GPR158: variants seen among roughly 807,000 people sequenced by gnomAD.
GPR158 encodes the protein G protein-coupled receptor 158, also known as metabotropic glycine receptor.
GPR158 carries 30 observed loss-of-function variants against 78.2 expected under a neutral mutation model. That is an observed-to-expected ratio of 0.38 (90% confidence interval 0.29 to 0.52). The LOEUF (loss-of-function observed/expected upper bound fraction) is 0.52, where lower values mean the gene tolerates loss of function less well. Among genes scored for constraint, GPR158 ranks in the 20% least tolerant of loss-of-function variants. The pLI, the probability that GPR158 is intolerant of heterozygous loss-of-function variation, is 0.83. For missense variants in GPR158, 1,463 were observed against 1,523.5 expected, an observed-to-expected ratio of 0.96 and a Z score of 0.66; for synonymous variants, 581 against 591.1, an observed-to-expected ratio of 0.98 and a Z score of 0.25.
At chr10:25,594,091 A>T in intron 8 of GPR158, 1 of 415,432 alleles carries the variant, frequency 2.4e-6, no homozygotes, top group Non-Finnish European at 4.3e-6. Flanking sequence ...ATCTAAAATC[A>T]TAATAAAGGG....
intron 2 of GPR158, among the ~76,000 whole-genome samples, chr10:25,252,247 C>A (rs1200005826): frequency 2.0e-5 from 3 of 150,752 alleles, no homozygotes; most frequent in East Asian, 3.9e-4. Context: ...AACTTCTTTG[C>A]CTTTGGTTTG....
intron 2 of GPR158, among the ~76,000 whole-genome samples, chr10:25,298,440 T>C (rs1052375529): frequency 2.6e-5 from 4 of 152,184 alleles, no homozygotes; most frequent in Non-Finnish European, 4.4e-5. Flanking sequence ...TTTAGAAAAT[T>C]TGCCTTATTA....
At chr10:25,193,619 T>G (rs1852804886) in intron 1 of GPR158, among the ~76,000 whole-genome samples, 1 of 152,234 alleles carries the variant, frequency 6.6e-6, no homozygotes, top group African/African-American at 2.4e-5. Flanking sequence ...GCTTTACAGA[T>G]TTCCCCTCTA....
intron 2 of GPR158, among the ~76,000 whole-genome samples, chr10:25,299,631 T>C (rs537616769): frequency 6.4e-4 from 97 of 152,302 alleles, no homozygotes; most frequent in African/African-American, 2.3e-3. Context: ...TCTTCATCCA[T>C]TCATCTTCTG....
intron 4 of GPR158, among the ~76,000 whole-genome samples, chr10:25,451,361 G>T (rs1835213648): frequency 6.6e-6 from 1 of 152,108 alleles, no homozygotes; most frequent in South Asian, 2.1e-4. Context: ...TTAATCAAAT[G>T]GGTTTAAAAT....
At chr10:25,443,262 T>A (rs575827429) in intron 4 of GPR158, among the ~76,000 whole-genome samples, 167 of 151,488 alleles carry the variant, frequency 1.1e-3, no homozygotes, top group East Asian at 3.7e-3. Flanking sequence ...TTAAAAAAAA[T>A]TTTTTTGTGA....
chr10:25,282,319 T>G (rs1854287288), intron 2 of GPR158, among the ~76,000 whole-genome samples: 1 of 152,200 alleles, frequency 6.6e-6, no homozygotes, highest in Non-Finnish European at 1.5e-5. Flanking sequence ...TTGTTTCTTG[T>G]TATTGCTAAG....
At chr10:25,362,855 T>TTCC (rs1450579439) in intron 2 of GPR158, among the ~76,000 whole-genome samples, 1 of 151,916 alleles carries the variant, frequency 6.6e-6, no homozygotes, top group Non-Finnish European at 1.5e-5. Flanking sequence ...TTAATTGACT[T>TTCC]TCCTTGTCTC....
chr10:25,423,846 C>T (rs138003022), intron 4 of GPR158, among the ~76,000 whole-genome samples: 1,556 of 152,254 alleles, frequency 0.01, 42 homozygotes, highest in African/African-American at 0.035. Context: ...AATAAACATA[C>T]GTGTGCATGT....
intron 4 of GPR158, among the ~76,000 whole-genome samples, chr10:25,437,023 G>T (rs1835005872): frequency 6.6e-6 from 1 of 152,200 alleles, no homozygotes; most frequent in South Asian, 2.1e-4. Flanking sequence ...GTTGTTGACA[G>T]TAGCAGGAGA....
chr10:25,405,813 AC>A (rs1187181828), intron 3 of GPR158, among the ~76,000 whole-genome samples: 1 of 151,962 alleles, frequency 6.6e-6, no homozygotes, highest in African/African-American at 2.4e-5. Flanking sequence ...GCAAGAATAA[AC>A]TACTTCTAGG....
At chr10:25,428,727 C>G (rs1339235106) in intron 4 of GPR158, among the ~76,000 whole-genome samples, 1 of 151,904 alleles carries the variant, frequency 6.6e-6, no homozygotes, top group Non-Finnish European at 1.5e-5. Context: ...TACCTTTGTC[C>G]TTATGGGGGT....
chr10:25,355,800 T>G (rs1345392789), intron 2 of GPR158, among the ~76,000 whole-genome samples: 1 of 152,060 alleles, frequency 6.6e-6, no homozygotes, highest in African/African-American at 2.4e-5. Flanking sequence ...GTTTCAAAGG[T>G]GATATCCTAG....
At chr10:25,549,613 T>C (rs1273972634) in intron 5 of GPR158, among the ~76,000 whole-genome samples, 1 of 152,164 alleles carries the variant, frequency 6.6e-6, no homozygotes, top group Non-Finnish European at 1.5e-5. Context: ...TTTGCTTGAC[T>C]TCAGGAGCAC....
intron 2 of GPR158, among the ~76,000 whole-genome samples, chr10:25,381,563 G>C (rs532449660): frequency 6.6e-6 from 1 of 152,184 alleles, no homozygotes; most frequent in Non-Finnish European, 1.5e-5. Context: ...CATGTATGGC[G>C]AGAGTGGACA....
chr10:25,599,581 A>G lies in GPR158; in HGVS notation c.*307A>G, dbSNP rs1224367510. ...ATCAATATGTATCCATGGGACTTTG[A>G]AGATCCTAAGCCAGGTAAACCAGGA... On this transcript the variant is annotated 3_prime_UTR_variant, in exon 11 of 11. Transcript: ENST00000376351. The G allele has an allele frequency of 1.1e-5, 3 of 261,432 alleles. No individual in the cohort carries two copies. Among genetic ancestry groups the G allele is most frequent in the Non-Finnish European group, 2.2e-5 (3 of 137,710 alleles). The allele number at this position is 261,432 out of a possible 1,614,324, so 16.2% of individuals were successfully genotyped here. A position where few individuals can be genotyped will look rare whatever the true frequency, so the allele number is the denominator to read the frequency against.
intron 2 of GPR158, among the ~76,000 whole-genome samples, chr10:25,252,047 G>C (rs554828920): frequency 6.6e-6 from 1 of 151,134 alleles, no homozygotes; most frequent in Admixed American, 6.6e-5. Flanking sequence ...TTCCCTTCTC[G>C]CTTCATTTCA....
At chr10:25,561,025 G>A (rs1300165531) in intron 6 of GPR158, among the ~76,000 whole-genome samples, 1 of 152,016 alleles carries the variant, frequency 6.6e-6, no homozygotes, top group East Asian at 1.9e-4. Context: ...AGTAAGAGCA[G>A]ATCAAGATTA....
At chr10:25,387,511 T>C (rs1352239131) in intron 2 of GPR158, among the ~76,000 whole-genome samples, 1 of 106,944 alleles carries the variant, frequency 9.4e-6, no homozygotes, top group Non-Finnish European at 1.9e-5. Flanking sequence ...TTCCTTTCTC[T>C]TCAAATTTTT....
Sources: allele counts gnomAD v4.1 joint callset (sites outside exome capture counted in the v4.1 genomes callset), GRCh38; gene constraint gnomAD v4.1.1; transcripts MANE v1.5; gene names NCBI Gene and HGNC (gene_info 2026-07-23, HGNC 2026-07-21).